URB1: variants seen among roughly 807,000 people sequenced by gnomAD.
The protein encoded by URB1 is URB1 ribosome biogenesis factor.
URB1 carries 197 observed loss-of-function variants against 242.3 expected under a neutral mutation model. The observed-to-expected ratio is 0.81, with a 90% CI of 0.72 to 0.91. The LOEUF is 0.91. Among genes scored for constraint, URB1 ranks in the 40% least tolerant of loss-of-function variants. URB1 has a pLI of 0.00. For synonymous variants in URB1, 1,153 were observed against 1,201.8 expected (o/e 0.96, Z 0.84); for missense variants, 2,721 against 2,860.5 (o/e 0.95, Z 1.11).
chr21:32,314,415 C>A lies in URB1; in HGVS notation c.*503G>T. 1.4e-6 allele frequency: 1 copy of A among 733,642 alleles called. No individual in the cohort carries two copies. Among genetic ancestry groups the A allele is most frequent in the Non-Finnish European group, 2.4e-6 (1 of 410,112 alleles). The allele number at this position is 733,642 out of a possible 1,614,324, so 45.4% of individuals were successfully genotyped here. On this transcript the variant is annotated 3_prime_UTR_variant, in exon 39 of 39. Transcript: ENST00000382751. ...GGGAAGGCTGGTTTCGAACTCCTGA[C>A]CTCAGGTGATTCACCCGCCTTGGCC... is the stretch of plus-strand genomic sequence containing the variant.
chr21:32,363,434 A>G (rs1175180801), intron 10 of URB1, 105 bp from the exon 11 acceptor site: 1 of 1,352,974 alleles, frequency 7.4e-7, no homozygotes, highest in Non-Finnish European at 1.0e-6. Flanking sequence ...CTCACAGGGA[A>G]AGCTGCATGA....
In URB1 at chr21:32,324,585, A is replaced by C; in HGVS notation, c.5139T>G (p.Asp1713Glu). The part of the protein sequence containing the change: ...QEQSQLLYLL[D>E]VVRNGIRTQD... ...GAGTTCGAATCCCATTCCGGACTAC[A>C]TCCAACAGGTAAAGTAGCTTGAAAA... Residue 1713 changes from aspartate (D) to glutamate (E), a missense_variant, in exon 32 of 39, where the codon GAT becomes GAG. Transcript: ENST00000382751. The C allele has an allele frequency of 6.4e-7, 1 of 1,551,648 alleles. No individual in the cohort carries two copies. The highest frequency in any genetic ancestry group is 2.4e-5 in the East Asian group (1 of 40,932).
At chr21:32,361,559 G>A (rs984849394) in intron 12 of URB1, among the ~76,000 whole-genome samples, 44 of 146,582 alleles carry the variant, frequency 3.0e-4, no homozygotes, top group African/African-American at 1.0e-3. Context: ...CCAACAACAA[G>A]GCTCTGAGCT....
intron 17 of URB1, among the ~76,000 whole-genome samples, chr21:32,354,449 G>A (rs573772136): frequency 6.6e-6 from 1 of 152,322 alleles, no homozygotes; most frequent in African/African-American, 2.4e-5. Context: ...GCCAGAGCCA[G>A]AGTACCTGCG....
At position 32,347,253 on chromosome 21, in the gene URB1, G is replaced by A. The variant is rs761107729; in HGVS notation, c.3571C>T (p.Leu1191=). 2.0e-5 allele frequency: 31 copies of A among 1,550,828 alleles called. No homozygotes were observed. In the Admixed American group the frequency reaches 2.4e-4, roughly 12 times the overall value. The change falls in exon 22 of 39, where the codon CTA becomes TTA. Residue 1191 remains leucine (L), a synonymous_variant. Transcript: ENST00000382751. The part of the protein sequence containing the change: ...VRGLGALLPT[L]AVDELDTVLL... ...ACTGTGTCCAGCTCGTCCACTGCTA[G>A]CGTGGGCAGCAGAGCCCCCAGGCCT... is the stretch of plus-strand genomic sequence containing the variant.
At chr21:32,376,092 A>C (rs984245943) in intron 5 of URB1, among the ~76,000 whole-genome samples, 1 of 152,266 alleles carries the variant, frequency 6.6e-6, no homozygotes, top group African/African-American at 2.4e-5. Flanking sequence ...TTCTCATATT[A>C]AAATTAACTA....
At position 32,352,842 on chromosome 21, in the gene URB1, G is replaced by A; in HGVS notation, c.2481C>T (p.Pro827=). 6.4e-7 allele frequency: 1 copy of A among 1,551,688 alleles called. No homozygotes were observed. The part of the protein sequence containing the change: ...LTDLLHTQRD[P]LALCLLLQAY... ...CCTGGAGCAGGAGACACAGAGCCAG[G>A]GGGTCCCTCTGGGTGTGGAGGAGGT... is the stretch of plus-strand genomic sequence containing the variant. Residue 827 remains proline, a synonymous_variant, in exon 19 of 39, where the codon CCC becomes CCT. Coordinates refer to ENST00000382751, the MANE Select transcript of URB1 (RefSeq NM_014825.3).
chr21:32,340,243 T>C (rs1330330974), intron 25 of URB1, among the ~76,000 whole-genome samples: 1 of 152,160 alleles, frequency 6.6e-6, no homozygotes. Context: ...TGCCCCAAAC[T>C]GAAGAGCTGG....
chr21:32,361,016 G>A lies in URB1; in HGVS notation c.1747C>T (p.Leu583Phe). ...AGACCTTGAAACCCACCTTTCAGGA[G>A]CTTGCTGAAGTCAAAGTTGTACTGC... ...VMQYNFDFSK[L>F]LKGVISEQGL... The change falls in exon 13 of 39, where the codon CTC becomes TTC. Residue 583 changes from leucine (L) to phenylalanine (F), a missense_variant. Coordinates refer to ENST00000382751, the MANE Select transcript of URB1 (RefSeq NM_014825.3). 1 of 1,549,094 alleles carries A rather than the reference G, an allele frequency of 6.5e-7. No homozygotes were observed. The highest frequency in any genetic ancestry group is 8.7e-7 in the Non-Finnish European group (1 of 1,146,092).
In URB1 at chr21:32,333,413, G is replaced by A. The variant is rs1286091254; in HGVS notation, c.4864C>T (p.Gln1622Ter). The A allele has an allele frequency of 2.6e-6, 4 of 1,551,352 alleles. No homozygotes were observed. The highest frequency in any genetic ancestry group is 2.0e-5 in the Admixed American group (1 of 50,966). The change falls in exon 30 of 39, where the codon CAG becomes TAG. Residue 1622 changes from glutamine (Q) to a stop codon, truncating the protein, a stop_gained. Transcript: ENST00000382751. LOFTEE classifies it high-confidence loss of function. ...CTTTTGTCTTTGAATATCAGCTCCT[G>A]TGTGTCCTGAAAGAGCCAAAATCAA... ...NRRLLPPEDTQELIFKDKSRV... is the reference protein window; with the variant it reads ...NRRLLPPEDT
Position 32,377,031 on chromosome 21 carries a change from T to C in URB1, c.664+1414A>G, listed in dbSNP as rs2123617036. Among the ~76,000 whole-genome samples, 3 of 152,322 alleles carry C rather than the reference T, an allele frequency of 2.0e-5. No individual in the cohort carries two copies. In the Middle Eastern group the frequency reaches 0.01, roughly 518 times the overall value. ...CCAATTTGCTCAGCCAATCCCTTAC[T>C]GGTGGATAGTTAGAAGACCCATTTC... On this transcript the variant is annotated intron_variant, in intron 5 of 38. Coordinates refer to ENST00000382751, the MANE Select transcript of URB1 (RefSeq NM_014825.3).
At chr21:32,318,785 A>G (rs992668536) in intron 36 of URB1, among the ~76,000 whole-genome samples, 2 of 152,236 alleles carry the variant, frequency 1.3e-5, no homozygotes, top group African/African-American at 4.8e-5. Context: ...ATGGACAATG[A>G]GTCTTCGCAG....
intron 4 of URB1, 136 bp from the exon 5 acceptor site, chr21:32,378,677 ATG>A: frequency 1.4e-6 from 1 of 717,434 alleles, no homozygotes; most frequent in Non-Finnish European, 2.4e-6. Context: ...TCACCAGGGG[ATG>A]CAAGTCTGAA....
At chr21:32,342,053 TA>T (rs34431301) in intron 24 of URB1, among the ~76,000 whole-genome samples, 152,276 of 152,286 alleles carry the variant, frequency 1, 76,133 homozygotes, top group Middle Eastern at 1. Context: ...TTTTTTAACT[TA>T]AAAAAAATTG....
At chr21:32,363,390 T>A in intron 10 of URB1, 61 bp from the exon 11 acceptor site, 1 of 1,505,654 alleles carries the variant, frequency 6.6e-7, no homozygotes, top group South Asian at 1.3e-5. Context: ...TGCTAAGCTA[T>A]GGGCTTGGCT....
At chr21:32,325,718 G>C (rs897371746) in intron 30 of URB1, among the ~76,000 whole-genome samples, 2 of 152,162 alleles carry the variant, frequency 1.3e-5, no homozygotes, top group Non-Finnish European at 2.9e-5. Context: ...GCATGCCAGA[G>C]GCCTGGGGAA....
Position 32,392,867 on chromosome 21 carries a change from G to A in URB1, c.44C>T (p.Ala15Val). The change falls in exon 1 of 39, where the codon GCG (alanine) becomes GTG (valine). Residue 15 changes from alanine to valine, a missense_variant. Transcript: ENST00000382751. ...CTTGGCTGCACCCGCGGAGGAAGCC[G>A]CGCCGTCCTGGCCGCCCGAGGCCTT... ...KRKASGGQDG[A>V]ASSAGAAKRA... The A allele has an allele frequency of 6.5e-7, 1 of 1,532,866 alleles. No individual in the cohort carries two copies. The highest frequency in any genetic ancestry group is 8.7e-7 in the Non-Finnish European group (1 of 1,145,054). 95.0% of individuals were successfully genotyped at this position (1,532,866 alleles called of 1,614,324 possible).
chr21:32,359,685 C>T, intron 14 of URB1, 111 bp downstream of exon 14: 2 of 935,250 alleles, frequency 2.1e-6, no homozygotes, highest in Non-Finnish European at 3.1e-6. Flanking sequence ...CTGTTAACCT[C>T]TTCCGTCTTG....
chr21:32,371,819 TA>T (rs35899427), intron 8 of URB1, among the ~76,000 whole-genome samples: 23,127 of 148,572 alleles, frequency 0.16, 2,331 homozygotes, highest in African/African-American at 0.3. Context: ...TTTTTGTTAT[TA>T]AAAAAAAAAA....
Sources: gnomAD v4.1 joint callset for allele counts (sites outside exome capture counted in the v4.1 genomes callset) on GRCh38, gnomAD v4.1.1 for gene constraint, MANE v1.5 for transcripts, NCBI Gene and HGNC (gene_info 2026-07-23, HGNC 2026-07-21) for gene names.